Variants in MTUS2 observed in about 807,000 individuals in gnomAD.
MTUS2 encodes the protein microtubule associated scaffold protein 2.
Under a neutral mutation model 114.1 loss-of-function variants are expected in MTUS2, and 40 were observed. That is an observed-to-expected ratio of 0.35 (90% CI 0.27 to 0.46). The LOEUF is 0.46. Ranked by LOEUF, MTUS2 falls within the 20% of genes least tolerant of loss-of-function variation. MTUS2 has a pLI of 1.00. For missense variants in MTUS2, 1,679 were observed against 1,705.4 expected, an observed-to-expected ratio of 0.98 and a Z score of 0.27; for synonymous variants, 688 against 672.0, an observed-to-expected ratio of 1.02 and a Z score of -0.37.
intron 5 of MTUS2, among the ~76,000 whole-genome samples, chr13:29,188,972 T>A (rs1894336499): frequency 3.9e-5 from 6 of 152,194 alleles, no homozygotes; most frequent in Admixed American, 3.9e-4. Flanking sequence ...TAGGGATAGA[T>A]GAACAACATG....
At chr13:29,073,963 C>T (rs746250274) in intron 4 of MTUS2, among the ~76,000 whole-genome samples, 2 of 152,140 alleles carry the variant, frequency 1.3e-5, no homozygotes, top group African/African-American at 4.8e-5. Context: ...GCAAGACCTG[C>T]GAATTCTGTA....
chr13:29,094,109 A>C (rs1890078738), intron 4 of MTUS2, among the ~76,000 whole-genome samples: 1 of 152,088 alleles, frequency 6.6e-6, no homozygotes, highest in Non-Finnish European at 1.5e-5. Context: ...TTCAGTGCGC[A>C]GTATCTTGGT....
In MTUS2 at chr13:29,469,757, T is replaced by C. The variant is rs927314249; in HGVS notation, c.3185-10393T>C. Among the ~76,000 whole-genome samples, 8 of 149,658 alleles carry C rather than the reference T, an allele frequency of 5.3e-5. 1 individual carries two copies. The South Asian group carries it at 1.3e-3, about 24-fold the overall frequency. On this transcript the variant is annotated intron_variant, in intron 9 of 15. Coordinates refer to ENST00000612955, the MANE Select transcript of MTUS2 (RefSeq NM_001033602.4). ...AAGAGTTACAGGCTGCAGTGAGTCA[T>C]GATTGTGCCACTGCACTCCAGCCTG...
chr13:29,428,151 C>T (rs1242943799), intron 8 of MTUS2, among the ~76,000 whole-genome samples: 4 of 151,734 alleles, frequency 2.6e-5, no homozygotes, highest in Non-Finnish European at 5.9e-5. Flanking sequence ...TCAAAGAAGG[C>T]AAAAAAAATT....
In MTUS2 at chr13:29,470,758, G is replaced by A. The variant is rs141218119; in HGVS notation, c.3185-9392G>A. Among the ~76,000 whole-genome samples the A allele has an allele frequency of 4.2e-3, 641 of 152,260 alleles. 1 individual carries two copies. The highest frequency in any genetic ancestry group is 6.5e-3 in the Non-Finnish European group (445 of 68,026). On this transcript the variant is annotated intron_variant, in intron 9 of 15. Transcript: ENST00000612955. ...TTCCTCTGGAACTTCACCTCCTTCT[G>A]CTCTCCTCCATGGGCACTCAGGCCC...
intron 7 of MTUS2, among the ~76,000 whole-genome samples, chr13:29,333,488 C>T (rs1331855225): frequency 6.6e-6 from 1 of 152,180 alleles, no homozygotes; most frequent in East Asian, 1.9e-4. Flanking sequence ...TGAGCCACCG[C>T]AGCCGGCCTT....
intron 5 of MTUS2, among the ~76,000 whole-genome samples, chr13:29,155,781 A>G (rs1892834439): frequency 6.6e-6 from 1 of 152,194 alleles, no homozygotes; most frequent in Non-Finnish European, 1.5e-5. Context: ...ATGTATATAT[A>G]CATGTATACT....
intron 12 of MTUS2, among the ~76,000 whole-genome samples, chr13:29,495,730 G>A (rs1882508299): frequency 6.6e-6 from 1 of 151,808 alleles, no homozygotes; most frequent in Admixed American, 6.6e-5. Context: ...CATTAGCTGG[G>A]TGTGGTGGTG....
Position 29,504,041 on chromosome 13 carries a change from T to G in MTUS2, c.*835T>G, listed in dbSNP as rs563036484. ...GTAAACACAAGTTTTGCTTTTTTCC[T>G]AAATGGCATCTCAGACTCGGTCATT... On this transcript the variant is annotated 3_prime_UTR_variant, in exon 16 of 16. Coordinates refer to ENST00000612955, the MANE Select transcript of MTUS2 (RefSeq NM_001033602.4). 4.3e-6 allele frequency: 1 copy of G among 232,020 alleles called. No individual in the cohort carries two copies. Among genetic ancestry groups the G allele is most frequent in the Admixed American group, 5.6e-5 (1 of 17,774 alleles). The allele number at this position is 232,020 out of a possible 1,614,324, so 14.4% of individuals were successfully genotyped here. A position where few individuals can be genotyped will look rare whatever the true frequency, so the allele number is the denominator to read the frequency against.
chr13:29,279,789 A>T (rs1451127325), intron 5 of MTUS2, among the ~76,000 whole-genome samples: 1 of 152,214 alleles, frequency 6.6e-6, no homozygotes, highest in Non-Finnish European at 1.5e-5. Context: ...CTCTAAATTG[A>T]CGTGTTCACA....
At chr13:28,917,552 A>G (rs1053753029) in intron 2 of MTUS2, among the ~76,000 whole-genome samples, 1 of 150,616 alleles carries the variant, frequency 6.6e-6, no homozygotes, top group Admixed American at 6.6e-5. Context: ...AATTTCTATG[A>G]TATCAGTTGT....
chr13:29,437,465 T>G (rs1304593155), intron 8 of MTUS2, among the ~76,000 whole-genome samples: 7 of 152,204 alleles, frequency 4.6e-5, no homozygotes, highest in African/African-American at 1.7e-4. Flanking sequence ...CTCTCCAAAA[T>G]ACCAAATTTG....
chr13:28,927,476 G>A (rs1410022929), intron 2 of MTUS2, among the ~76,000 whole-genome samples: 1 of 152,168 alleles, frequency 6.6e-6, no homozygotes, highest in Non-Finnish European at 1.5e-5. Flanking sequence ...TGAGGTGAGA[G>A]GATGTCTTGA....
At chr13:29,266,449 A>G (rs35615479) in intron 5 of MTUS2, among the ~76,000 whole-genome samples, 1,982 of 152,306 alleles carry the variant, frequency 0.013, 26 homozygotes, top group East Asian at 0.08. Flanking sequence ...CGATGACAGA[A>G]GAAAATTATT....
At chr13:29,171,423 G>A (rs554840306) in intron 5 of MTUS2, among the ~76,000 whole-genome samples, 3 of 152,212 alleles carry the variant, frequency 2.0e-5, no homozygotes, top group Non-Finnish European at 2.9e-5. Flanking sequence ...GATCTGTACC[G>A]GAACTTACTT....
At chr13:29,276,749 T>G (rs573674550) in intron 5 of MTUS2, among the ~76,000 whole-genome samples, 2 of 152,032 alleles carry the variant, frequency 1.3e-5, no homozygotes, top group African/African-American at 4.8e-5. Flanking sequence ...AATACAAACA[T>G]TAGCCAGCCA....
intron 2 of MTUS2, among the ~76,000 whole-genome samples, chr13:28,956,595 A>G (rs966658383): frequency 2.0e-5 from 3 of 152,214 alleles, no homozygotes; most frequent in East Asian, 1.9e-4. Context: ...GGTAAAGACC[A>G]TACATAATAA....
At chr13:29,240,565 C>T (rs1125169) in intron 5 of MTUS2, among the ~76,000 whole-genome samples, 9,177 of 146,542 alleles carry the variant, frequency 0.063, 300 homozygotes, top group Middle Eastern at 0.082. Flanking sequence ...GTTGTAATAC[C>T]GACACATTAC....
At chr13:28,942,969 A>G (rs373940844) in intron 2 of MTUS2, among the ~76,000 whole-genome samples, 1 of 152,214 alleles carries the variant, frequency 6.6e-6, no homozygotes, top group East Asian at 1.9e-4. Flanking sequence ...ATGAAACGAT[A>G]TATTAATACT....
Sources: gnomAD v4.1 joint callset for allele counts (sites outside exome capture counted in the v4.1 genomes callset) on GRCh38, gnomAD v4.1.1 for gene constraint, MANE v1.5 for transcripts, NCBI Gene and HGNC (gene_info 2026-07-23, HGNC 2026-07-21) for gene names.